The following MEI4 variants were observed in gnomAD, a reference collection of about 807,000 sequenced individuals.
MEI4 encodes the protein meiotic double-stranded break formation protein 4.
In MEI4, 27 loss-of-function variants were observed where a neutral mutation model predicts 31.4. The observed-to-expected ratio is 0.86, with a 90% CI of 0.63 to 1.19. The LOEUF is 1.19. Ranked by LOEUF, MEI4 falls within the 50% of genes most tolerant of loss-of-function variation. MEI4 has a pLI of 0.00. For synonymous variants in MEI4, 122 were observed against 145.4 expected, an observed-to-expected ratio of 0.84 and a Z score of 1.16; for missense variants, 329 against 398.9, an observed-to-expected ratio of 0.82 and a Z score of 1.49.
At chr6:77,891,592 T>C (rs923307657) in intron 4 of MEI4, among the ~76,000 whole-genome samples, 10 of 152,282 alleles carry the variant, frequency 6.6e-5, no homozygotes, top group Non-Finnish European at 1.0e-4. Context: ...TATTATTATT[T>C]TGAATTTTTT....
In MEI4 at chr6:77,716,946, G is replaced by T. The variant is rs138269142; in HGVS notation, c.232+26043G>T. 7.3e-3 allele frequency: 5,094 copies of T among 694,748 alleles called. 23 individuals carry two copies. Among genetic ancestry groups the T allele is most frequent in the Non-Finnish European group, 8.5e-3 (4,778 of 564,978 alleles). The allele number at this position is 694,748 out of a possible 1,614,324, so 43.0% of individuals were successfully genotyped here. A position where few individuals can be genotyped will look rare whatever the true frequency, so the allele number is the denominator to read the frequency against. On this transcript the variant is annotated intron_variant, in intron 2 of 4. Coordinates refer to ENST00000684080, the MANE Select transcript of MEI4 (RefSeq NM_001322247.2). The stretch of plus-strand genomic sequence containing the variant: ...GCTTTGTTGAAAGAAGTAGCATATT[G>T]TAGGGGTGGGTTGCCCCTACACACC...
intron 3 of MEI4, among the ~76,000 whole-genome samples, chr6:77,812,725 G>T (rs1769603836): frequency 6.6e-6 from 1 of 152,044 alleles, no homozygotes; most frequent in Non-Finnish European, 1.5e-5. Context: ...ATAGTCTGTG[G>T]ATATTTCTAT....
rs572438648 is a variant in MEI4 at position 77,767,180 on chromosome 6, G to C, written c.768+5515G>C. ...GTGGATCATGAGGTCAATAGATAGA[G>C]ACCATCCTGGCCAACATTGTGAAAC... is the stretch of plus-strand genomic sequence containing the variant. On this transcript the variant is annotated intron_variant, in intron 3 of 4. Coordinates refer to ENST00000684080, the MANE Select transcript of MEI4 (RefSeq NM_001322247.2). Among the ~76,000 whole-genome samples the C allele has an allele frequency of 1.1e-4, 16 of 152,078 alleles. 1 individual carries two copies. In the East Asian group the frequency reaches 3.1e-3, roughly 30 times the overall value.
chr6:77,745,176 A>C (rs1054190199), intron 2 of MEI4, among the ~76,000 whole-genome samples: 26 of 152,332 alleles, frequency 1.7e-4, no homozygotes, highest in African/African-American at 5.8e-4. Flanking sequence ...CAGACTGGCA[A>C]ATTGGATAAA....
intron 3 of MEI4, among the ~76,000 whole-genome samples, chr6:77,792,717 ATTTT>A (rs1202853502): frequency 1.6e-4 from 22 of 140,580 alleles, no homozygotes; most frequent in African/African-American, 2.3e-4. Flanking sequence ...TCCCAACACT[ATTTT>A]TTTTTTTTTT....
intron 1 of MEI4, among the ~76,000 whole-genome samples, chr6:77,674,811 C>T (rs1768810839): frequency 6.6e-6 from 1 of 152,110 alleles, no homozygotes; most frequent in South Asian, 2.1e-4. Context: ...CCTCCTTCAC[C>T]TGCAGAAGTA....
chr6:77,870,827 C>A (rs1771172613), intron 4 of MEI4, among the ~76,000 whole-genome samples: 1 of 152,254 alleles, frequency 6.6e-6, no homozygotes, highest in Non-Finnish European at 1.5e-5. Flanking sequence ...ACCTGCCCAT[C>A]ATATTGTTTT....
chr6:77,910,704 T>G (rs1250318137), intron 4 of MEI4, among the ~76,000 whole-genome samples: 1 of 152,104 alleles, frequency 6.6e-6, no homozygotes, highest in Non-Finnish European at 1.5e-5. Context: ...GTATTGGCTA[T>G]TGTGAATAGG....
Position 77,925,865 on chromosome 6 carries a change from C to T in MEI4, c.*2519C>T, listed in dbSNP as rs1026727236. 6.0e-5 allele frequency: 9 copies of T among 148,826 alleles called. No individual in the cohort carries two copies. The highest frequency in any genetic ancestry group is 1.4e-4 in the Admixed American group (2 of 14,788). The allele number at this position is 148,826 out of a possible 1,614,324, so 9.2% of individuals were successfully genotyped here. A position where few individuals can be genotyped will look rare whatever the true frequency, so the allele number is the denominator to read the frequency against. ...ATAAGTAATATTATACATATATATA[C>T]GATATGTATAATAAATACCAAATAG... On this transcript the variant is annotated 3_prime_UTR_variant, in exon 5 of 5. Coordinates refer to ENST00000684080, the MANE Select transcript of MEI4 (RefSeq NM_001322247.2).
chr6:77,803,967 C>T (rs148882470), intron 3 of MEI4, among the ~76,000 whole-genome samples: 65 of 152,274 alleles, frequency 4.3e-4, no homozygotes, highest in Admixed American at 1.3e-3. Context: ...TCTCCAGTTG[C>T]GTGCTGGGAG....
chr6:77,767,693 TCACACACA>T (rs10612233), intron 3 of MEI4, among the ~76,000 whole-genome samples: 1 of 149,194 alleles, frequency 6.7e-6, no homozygotes, highest in Admixed American at 6.7e-5. Context: ...CAGGAAACTG[TCACACACA>T]CACACACACA....
At chr6:77,702,957 A>G (rs1766257550) in intron 2 of MEI4, among the ~76,000 whole-genome samples, 1 of 152,124 alleles carries the variant, frequency 6.6e-6, no homozygotes, top group African/African-American at 2.4e-5. Context: ...TGTCTTCACT[A>G]ACTACCTCCC....
At chr6:77,824,428 A>G (rs1248731922) in intron 3 of MEI4, among the ~76,000 whole-genome samples, 2 of 152,170 alleles carry the variant, frequency 1.3e-5, no homozygotes, top group Non-Finnish European at 2.9e-5. Context: ...ACTCTCTTTA[A>G]AGTATGGGTC....
intron 3 of MEI4, among the ~76,000 whole-genome samples, chr6:77,825,696 C>A (rs1201423039): frequency 6.6e-6 from 1 of 152,126 alleles, no homozygotes; most frequent in Non-Finnish European, 1.5e-5. Flanking sequence ...TAAGTAGATA[C>A]AACATATATA....
chr6:77,871,996 A>T (rs1771205888), intron 4 of MEI4, among the ~76,000 whole-genome samples: 1 of 152,146 alleles, frequency 6.6e-6, no homozygotes, highest in African/African-American at 2.4e-5. Context: ...TTCAAATGTG[A>T]TTTTATCTAA....
chr6:77,770,851 A>G (rs75871459), intron 3 of MEI4, among the ~76,000 whole-genome samples: 2,181 of 152,282 alleles, frequency 0.014, 54 homozygotes, highest in African/African-American at 0.05. Flanking sequence ...GAGATGACCT[A>G]GGAAATACCA....
At chr6:77,732,824 G>A (rs560217565) in intron 2 of MEI4, among the ~76,000 whole-genome samples, 6 of 152,002 alleles carry the variant, frequency 3.9e-5, no homozygotes. Flanking sequence ...TTTATTCAGA[G>A]TTTTTAGCAT....
rs151209956 is a variant in MEI4, at chr6:77,787,260, G to A, written c.768+25595G>A. On this transcript the variant is annotated intron_variant, in intron 3 of 4. Transcript: ENST00000684080. ...ATAGCAGCAGCCCTCCCAGAGACCC[G>A]CAGGAAGGCCACATTCATCTGTGCA... 1.1e-4 allele frequency among the ~76,000 whole-genome samples: 16 copies of A among 152,232 alleles called. No individual in the cohort carries two copies. The East Asian group carries it at 2.5e-3, about 24-fold the overall frequency.
At chr6:77,769,234 A>C (rs1237533733) in intron 3 of MEI4, among the ~76,000 whole-genome samples, 1 of 152,158 alleles carries the variant, frequency 6.6e-6, no homozygotes, top group Non-Finnish European at 1.5e-5. Context: ...TTTGCTTTGC[A>C]GCTTAGTGCT....
Sources: gnomAD v4.1 joint callset for allele counts (sites outside exome capture counted in the v4.1 genomes callset) on GRCh38, gnomAD v4.1.1 for gene constraint, MANE v1.5 for transcripts, NCBI Gene and HGNC (gene_info 2026-07-23, HGNC 2026-07-21) for gene names.